The following UBE4B variants were observed in gnomAD, a reference collection of about 807,000 sequenced individuals.
The protein encoded by UBE4B is ubiquitin conjugation factor E4 B.
A neutral mutation model predicts 148.1 loss-of-function variants in UBE4B; 27 were observed. That is an observed-to-expected ratio of 0.18 (90% CI 0.13 to 0.25). The LOEUF is 0.25. Among genes scored for constraint, UBE4B ranks in the 10% least tolerant of loss-of-function variants. The pLI is 1.00. For missense variants in UBE4B, 1,170 were observed against 1,662.4 expected (o/e 0.70, Z 5.15); for synonymous variants, 596 against 619.3 (o/e 0.96, Z 0.56).
chr1:10,039,311 T>C (rs931338926), intron 1 of UBE4B, among the ~76,000 whole-genome samples: 4 of 151,992 alleles, frequency 2.6e-5, no homozygotes, highest in Admixed American at 1.3e-4. Context: ...TGGCTCGAAA[T>C]TGGGGAGCTC....
At chr1:10,104,550 A>G (rs911422253) in intron 5 of UBE4B, among the ~76,000 whole-genome samples, 2 of 152,154 alleles carry the variant, frequency 1.3e-5, no homozygotes, top group African/African-American at 4.8e-5. Flanking sequence ...TATGCTGCCT[A>G]TCTTCTGAGG....
At chr1:10,129,201 T>C (rs1645551119) in intron 11 of UBE4B, 191 bp from the exon 12 acceptor site, 1 of 495,884 alleles carries the variant, frequency 2.0e-6, no homozygotes, top group Non-Finnish European at 3.6e-6. Flanking sequence ...TTATTTCAAG[T>C]TTTCACATTG....
At chr1:10,057,733 G>GAAA (rs574034728) in intron 1 of UBE4B, among the ~76,000 whole-genome samples, 1 of 104,656 alleles carries the variant, frequency 9.6e-6, no homozygotes. Context: ...CTGTCTCACA[G>GAAA]AAAAAAAAAA....
intron 10 of UBE4B, among the ~76,000 whole-genome samples, chr1:10,123,629 A>C (rs1645445999): frequency 6.6e-6 from 1 of 152,070 alleles, no homozygotes; most frequent in South Asian, 2.1e-4. Flanking sequence ...TTCATAAACA[A>C]ACTTACACAA....
In UBE4B at chr1:10,094,669, T is replaced by C. The variant is rs147965451; in HGVS notation, c.212-792T>C. 9.3e-4 allele frequency among the ~76,000 whole-genome samples: 141 copies of C among 152,038 alleles called. 2 individuals carry two copies. In the East Asian group the frequency reaches 0.021, roughly 22 times the overall value. The stretch of plus-strand genomic sequence containing the variant: ...CAGGATGGTCTCAATCTCCTGACCT[T>C]GTGATTCACCCGCCTCGACCTCCCA... On this transcript the variant is annotated intron_variant, in intron 2 of 27. Transcript: ENST00000343090.
At chr1:10,178,169 A>G (rs902000256) in intron 25 of UBE4B, among the ~76,000 whole-genome samples, 2 of 152,176 alleles carry the variant, frequency 1.3e-5, no homozygotes, top group South Asian at 4.1e-4. Context: ...CCTCTAGAGT[A>G]TGAACAATAG....
chr1:10,038,632 C>T (rs937622669), intron 1 of UBE4B, among the ~76,000 whole-genome samples: 2 of 152,180 alleles, frequency 1.3e-5, no homozygotes, highest in Admixed American at 6.5e-5. Context: ...CATAAATTCA[C>T]CACAGCTTTT....
chr1:10,129,054 GA>G (rs1316927339), intron 11 of UBE4B: 7 of 205,582 alleles, frequency 3.4e-5, no homozygotes, highest in Non-Finnish European at 4.9e-5. Context: ...ATATGAAGTG[GA>G]AAAACTTTTT....
intron 18 of UBE4B, among the ~76,000 whole-genome samples, chr1:10,146,226 C>T (rs1164449807): frequency 6.6e-6 from 1 of 152,202 alleles, no homozygotes; most frequent in African/African-American, 2.4e-5. Context: ...CCGAGGCAGG[C>T]AGATCACCTG....
intron 2 of UBE4B, among the ~76,000 whole-genome samples, chr1:10,073,761 A>G (rs921081406): frequency 1.3e-5 from 2 of 151,996 alleles, no homozygotes; most frequent in Non-Finnish European, 2.9e-5. Flanking sequence ...ATTCATGATC[A>G]CAAACTCGGG....
At chr1:10,101,483 TCTGTTGGTC>T (rs1320499578) in intron 4 of UBE4B, among the ~76,000 whole-genome samples, 1 of 149,478 alleles carries the variant, frequency 6.7e-6, no homozygotes, top group Non-Finnish European at 1.5e-5. Flanking sequence ...TAGAATTCTT[TCTGTTGGTC>T]TTTTGCTTTT....
At chr1:10,101,287 G>A (rs1376353503) in intron 4 of UBE4B, 92 bp downstream of exon 4, 11 of 1,223,122 alleles carry the variant, frequency 9.0e-6, no homozygotes, top group East Asian at 7.4e-5. Context: ...GGGGCCACCC[G>A]AAATCAGGAA....
At chr1:10,174,651 G>A (rs942032612) in intron 25 of UBE4B, among the ~76,000 whole-genome samples, 3 of 149,114 alleles carry the variant, frequency 2.0e-5, no homozygotes, top group South Asian at 2.1e-4. Context: ...GCAGTGAGCC[G>A]AGATCGTGCC....
intron 2 of UBE4B, among the ~76,000 whole-genome samples, chr1:10,092,343 G>A (rs1644860645): frequency 6.6e-6 from 1 of 152,116 alleles, no homozygotes; most frequent in Admixed American, 6.5e-5. Flanking sequence ...TTCTGCCTCA[G>A]ATTCCCGAGT....
chr1:10,066,019 G>T (rs1644378949), intron 1 of UBE4B, among the ~76,000 whole-genome samples: 1 of 147,936 alleles, frequency 6.8e-6, no homozygotes, highest in African/African-American at 2.5e-5. Flanking sequence ...ATATATCATT[G>T]TTCCCCTCCC....
At chr1:10,062,970 A>G (rs868538631) in intron 1 of UBE4B, among the ~76,000 whole-genome samples, 45 of 151,992 alleles carry the variant, frequency 3.0e-4, no homozygotes, top group Middle Eastern at 3.4e-3. Context: ...AAAAAAAAAA[A>G]AGAAAAAGAA....
intron 14 of UBE4B, 70 bp from the exon 15 acceptor site, chr1:10,132,299 C>G (rs1054725746): frequency 8.3e-6 from 10 of 1,199,706 alleles, no homozygotes; most frequent in Middle Eastern, 2.3e-4. Flanking sequence ...GCTAGCTGTT[C>G]GTGAAGTCAA....
intron 2 of UBE4B, among the ~76,000 whole-genome samples, chr1:10,077,789 GTTA>G (rs1345875601): frequency 3.9e-5 from 6 of 152,244 alleles, no homozygotes; most frequent in South Asian, 2.1e-4. Context: ...TAGAAAAAAA[GTTA>G]TTATATAAAA....
At chr1:10,084,382 C>T (rs1290284957) in intron 2 of UBE4B, among the ~76,000 whole-genome samples, 1 of 152,102 alleles carries the variant, frequency 6.6e-6, no homozygotes, top group Non-Finnish European at 1.5e-5. Flanking sequence ...CATGTTCCAC[C>T]CTCTTCATGT....
Sources: allele counts gnomAD v4.1 joint callset (sites outside exome capture counted in the v4.1 genomes callset), GRCh38; gene constraint gnomAD v4.1.1; transcripts MANE v1.5; gene names NCBI Gene and HGNC (gene_info 2026-07-23, HGNC 2026-07-21).